The following PRKCA variants were observed in gnomAD, a reference collection of about 807,000 sequenced individuals.
PRKCA encodes protein kinase C alpha, also known as protein kinase C alpha type.
PRKCA carries 27 observed loss-of-function variants against 87.0 expected under a neutral mutation model. The ratio of observed to expected loss-of-function variants is 0.31; its 90% CI spans 0.23 to 0.43. The LOEUF is 0.43. PRKCA is among the 20% of genes least tolerant of loss of function. The pLI, the probability that PRKCA is intolerant of heterozygous loss-of-function variation, is 1.00. For synonymous variants in PRKCA, 329 were observed against 311.1 expected (o/e 1.06, Z -0.61); for missense variants, 518 against 852.3 (o/e 0.61, Z 4.88).
intron 3 of PRKCA, among the ~76,000 whole-genome samples, chr17:66,519,121 G>A (rs1263845153): frequency 2.6e-5 from 4 of 152,174 alleles, no homozygotes; most frequent in Non-Finnish European, 4.4e-5. Context: ...CAGATAGTGA[G>A]CTATGTCCTG....
At chr17:66,585,071 G>A (rs553294719) in intron 3 of PRKCA, among the ~76,000 whole-genome samples, 3 of 151,870 alleles carry the variant, frequency 2.0e-5, no homozygotes, top group Admixed American at 6.6e-5. Context: ...TGGGGAGGGG[G>A]GGGTGGTGGT....
chr17:66,384,080 A>G (rs1328006891), intron 2 of PRKCA, among the ~76,000 whole-genome samples: 1 of 152,196 alleles, frequency 6.6e-6, no homozygotes, highest in Non-Finnish European at 1.5e-5. Context: ...ACCTAGCACT[A>G]TGACATTTCA....
chr17:66,731,990 A>T (rs953262471), intron 8 of PRKCA, among the ~76,000 whole-genome samples: 2 of 150,592 alleles, frequency 1.3e-5, no homozygotes, highest in African/African-American at 4.9e-5. Context: ...GGGTTTCACC[A>T]TGTTGGCCAG....
At chr17:66,411,015 A>T (rs1911764715) in intron 2 of PRKCA, among the ~76,000 whole-genome samples, 1 of 152,020 alleles carries the variant, frequency 6.6e-6, no homozygotes, top group Admixed American at 6.6e-5. Flanking sequence ...CTGTGCATAG[A>T]CTTAGTATTT....
intron 3 of PRKCA, among the ~76,000 whole-genome samples, chr17:66,610,818 A>G (rs571214047): frequency 2.0e-5 from 3 of 152,246 alleles, no homozygotes; most frequent in Admixed American, 2.0e-4. Flanking sequence ...CCGACTGGCT[A>G]CTGTTTGAAA....
chr17:66,649,269 C>T (rs1290871513), intron 5 of PRKCA, among the ~76,000 whole-genome samples: 1 of 152,192 alleles, frequency 6.6e-6, no homozygotes, highest in African/African-American at 2.4e-5. Flanking sequence ...ATGGGTGGCA[C>T]CCCCATGCCC....
intron 16 of PRKCA, among the ~76,000 whole-genome samples, chr17:66,794,670 G>A (rs1975625422): frequency 6.6e-6 from 1 of 150,396 alleles, no homozygotes; most frequent in South Asian, 2.1e-4. Flanking sequence ...ACCCAGGCTG[G>A]AGTGCAGTGG....
rs998335466 is a variant in PRKCA, at chr17:66,471,994, C to G, written c.206-24207C>G. 1.3e-5 allele frequency among the ~76,000 whole-genome samples: 2 copies of G among 152,168 alleles called. 1 individual carries two copies. Among genetic ancestry groups the G allele is most frequent in the Non-Finnish European group, 2.9e-5 (2 of 68,034 alleles). ...TTTTGTTTTTAAGGACATGGTTTCG[C>G]TGTGTTGCCCGGGCAGGAATGCAGT... On this transcript the variant is annotated intron_variant, in intron 2 of 16. Transcript: ENST00000413366.
chr17:66,454,729 T>TAAC (rs1914501856), intron 2 of PRKCA, among the ~76,000 whole-genome samples: 1 of 152,206 alleles, frequency 6.6e-6, no homozygotes, highest in Non-Finnish European at 1.5e-5. Flanking sequence ...ATTCAATTAA[T>TAAC]AACTCCCACT....
chr17:66,706,240 TAG>T (rs1274784888), intron 8 of PRKCA, among the ~76,000 whole-genome samples: 3 of 152,166 alleles, frequency 2.0e-5, no homozygotes, highest in African/African-American at 7.2e-5. Context: ...ACAGCAAGGA[TAG>T]ACTTCATCAC....
intron 15 of PRKCA, chr17:66,787,264 C>G: frequency 1.9e-6 from 1 of 529,750 alleles, no homozygotes; most frequent in Non-Finnish European, 3.8e-6. Flanking sequence ...TTAGTTCCTC[C>G]TTTCATATTG....
rs558597793 is a variant in PRKCA at position 66,675,482 on chromosome 17, A to G, written c.530-11629A>G. 5.9e-5 allele frequency among the ~76,000 whole-genome samples: 9 copies of G among 152,298 alleles called. No individual in the cohort carries two copies. In the South Asian group the frequency reaches 1.5e-3, roughly 25 times the overall value. ...GAGGAAGGCTGCTGTCCCTTTGCAC[A>G]CAGGTTCTGAAAGTGCGTGGAGAGA... On this transcript the variant is annotated intron_variant, in intron 5 of 16. Coordinates refer to ENST00000413366, the MANE Select transcript of PRKCA (RefSeq NM_002737.3).
chr17:66,332,506 G>A (rs370274126), intron 2 of PRKCA, among the ~76,000 whole-genome samples: 15 of 152,096 alleles, frequency 9.9e-5, no homozygotes, highest in Middle Eastern at 3.4e-3. Flanking sequence ...AGGGTTACAG[G>A]TGTGAGCCAT....
At chr17:66,638,383 G>A (rs1567947350) in intron 3 of PRKCA, 1 of 152,006 alleles carries the variant, frequency 6.6e-6, no homozygotes, top group Non-Finnish European at 1.5e-5. Context: ...AAAAAAATCT[G>A]AGGTCTGATG....
chr17:66,357,435 A>C (rs1908130321), intron 2 of PRKCA, among the ~76,000 whole-genome samples: 1 of 152,224 alleles, frequency 6.6e-6, no homozygotes, highest in African/African-American at 2.4e-5. Flanking sequence ...ATAAGCAAAT[A>C]AATCCCAATG....
rs34064109 is a variant in PRKCA, at chr17:66,733,148, C to CAA, written c.1056+341_1056+342dup. ...CCTGGGAGACAGTGAGACTCCGTCT[C>CAA]AAAAAAAAAAAAAAAAAAAGATTTC... On this transcript the variant is annotated intron_variant, in intron 9 of 16. Transcript: ENST00000413366. Among the ~76,000 whole-genome samples the CAA allele has an allele frequency of 3.1e-3, 303 of 99,328 alleles. 1 individual carries two copies. The highest frequency in any genetic ancestry group is 0.011 in the African/African-American group (272 of 24,780). The allele number at this position is 99,328 out of a possible 152,430, so 65.2% of individuals were successfully genotyped here. A position where few individuals can be genotyped will look rare whatever the true frequency, so the allele number is the denominator to read the frequency against.
chr17:66,558,711 A>G (rs73993875), intron 3 of PRKCA, among the ~76,000 whole-genome samples: 1,855 of 152,272 alleles, frequency 0.012, 38 homozygotes, highest in African/African-American at 0.042. Flanking sequence ...GACAGACTGT[A>G]AGTGGAAAAG....
At chr17:66,777,355 A>G (rs1056912526) in intron 14 of PRKCA, 4 of 985,270 alleles carry the variant, frequency 4.1e-6, no homozygotes, top group Non-Finnish European at 4.8e-6. Context: ...CCTGCATTTG[A>G]TCATTATTTC....
Position 66,325,572 on chromosome 17 carries a change from A to G in PRKCA, c.205+19445A>G, listed in dbSNP as rs190737907. 4.9e-4 allele frequency among the ~76,000 whole-genome samples: 74 copies of G among 152,312 alleles called. No individual in the cohort carries two copies. The East Asian group carries it at 6.8e-3, about 14-fold the overall frequency. On this transcript the variant is annotated intron_variant, in intron 2 of 16. Transcript: ENST00000413366. The stretch of plus-strand genomic sequence containing the variant: ...GGGATCCTCACCCCAGCAATGCTTG[A>G]TGATAGTAGGGGTAGAGTGTCCTAT...
Sources: gnomAD v4.1 joint callset for allele counts (sites outside exome capture counted in the v4.1 genomes callset) on GRCh38, gnomAD v4.1.1 for gene constraint, MANE v1.5 for transcripts, NCBI Gene and HGNC (gene_info 2026-07-23, HGNC 2026-07-21) for gene names.